The following TOM1L1 variants were observed in gnomAD, a reference collection of about 807,000 sequenced individuals.
TOM1L1 encodes TOM1-like protein 1.
Under a neutral mutation model 63.4 loss-of-function variants are expected in TOM1L1, and 64 were observed. The ratio of observed to expected loss-of-function variants is 1.01; its 90% CI spans 0.83 to 1.24. The LOEUF (loss-of-function observed/expected upper bound fraction) is 1.24, where lower values mean the gene tolerates loss of function less well. Among genes scored for constraint, TOM1L1 ranks in the 50% most tolerant of loss-of-function variants. TOM1L1 has a pLI of 0.00. For missense variants in TOM1L1, 536 were observed against 567.0 expected, an observed-to-expected ratio of 0.95 and a Z score of 0.55; for synonymous variants, 166 against 194.4, an observed-to-expected ratio of 0.85 and a Z score of 1.22.
intron 12 of TOM1L1, among the ~76,000 whole-genome samples, chr17:54,948,971 G>A (rs913095016): frequency 5.3e-5 from 8 of 151,046 alleles, no homozygotes; most frequent in Non-Finnish European, 1.2e-4. Context: ...GCAATATATG[G>A]TTTTTTTTTC....
intron 11 of TOM1L1, among the ~76,000 whole-genome samples, chr17:54,946,983 A>C (rs2049129954): frequency 6.6e-6 from 1 of 152,136 alleles, no homozygotes. Context: ...TCATCCTTTA[A>C]GAAACGATGG....
chr17:54,959,168 C>G (rs17745231), intron 14 of TOM1L1: 31,764 of 152,108 alleles, frequency 0.21, 3,891 homozygotes, highest in Non-Finnish European at 0.27. Flanking sequence ...AATTGTAGCA[C>G]CATTCTGGGG....
At chr17:54,957,032 C>T (rs1313748389) in intron 14 of TOM1L1, 2 of 152,234 alleles carry the variant, frequency 1.3e-5, no homozygotes, top group Non-Finnish European at 2.9e-5. Context: ...TGAGGTCTGT[C>T]ATGAACTGGT....
At chr17:54,960,746 T>C in intron 15 of TOM1L1, 119 bp downstream of exon 15, 1 of 727,088 alleles carries the variant, frequency 1.4e-6, no homozygotes. Context: ...CACTTTGAAA[T>C]ATGAGTTCCC....
chr17:54,946,955 T>G (rs555058460), intron 11 of TOM1L1, among the ~76,000 whole-genome samples: 2 of 152,308 alleles, frequency 1.3e-5, no homozygotes, highest in East Asian at 3.9e-4. Context: ...CTTCTTAACC[T>G]GTGTTCTATA....
At chr17:54,943,995 A>C (rs887132687) in intron 11 of TOM1L1, among the ~76,000 whole-genome samples, 5 of 138,300 alleles carry the variant, frequency 3.6e-5, no homozygotes, top group Non-Finnish European at 6.4e-5. Flanking sequence ...TAAATAAATA[A>C]ATACATAAAT....
chr17:54,918,431 G>A lies in TOM1L1; in HGVS notation c.720+2569G>A, dbSNP rs567052409. Among the ~76,000 whole-genome samples, 13 of 152,274 alleles carry A rather than the reference G, an allele frequency of 8.5e-5. No homozygotes were observed. The South Asian group carries it at 2.1e-3, about 24-fold the overall frequency. On this transcript the variant is annotated intron_variant, in intron 7 of 15. Transcript: ENST00000575882. Reference sequence around the variant, plus strand: ...TTAATGGATATGAGTTTGTGGTATCGCTCAGGTGTGTAGGGATGAGAAGAG... The same window carrying A: ...TTAATGGATATGAGTTTGTGGTATCACTCAGGTGTGTAGGGATGAGAAGAG...
At chr17:54,923,790 C>T (rs1021198282) in intron 7 of TOM1L1, among the ~76,000 whole-genome samples, 4 of 151,878 alleles carry the variant, frequency 2.6e-5, no homozygotes, top group African/African-American at 9.7e-5. Context: ...AGGTGATCTA[C>T]CTGCCTTGGC....
At chr17:54,960,990 A>T (rs573526335) in intron 15 of TOM1L1, 2 of 555,916 alleles carry the variant, frequency 3.6e-6, no homozygotes, top group East Asian at 6.1e-5. Flanking sequence ...AGTCCTCCAA[A>T]TAGGTCTGAA....
chr17:54,938,464 A>C (rs1276500126), intron 10 of TOM1L1: 1 of 144,416 alleles, frequency 6.9e-6, no homozygotes, highest in Non-Finnish European at 1.5e-5. Flanking sequence ...ACTGCACTCC[A>C]GTCTGGGTGA....
intron 11 of TOM1L1, among the ~76,000 whole-genome samples, chr17:54,943,759 A>C (rs188086493): frequency 1.3e-5 from 2 of 151,890 alleles, no homozygotes; most frequent in Non-Finnish European, 2.9e-5. Context: ...CGGGCAGATC[A>C]TGAGATCAGG....
intron 14 of TOM1L1, chr17:54,959,210 C>T (rs949339163): frequency 3.9e-5 from 6 of 152,094 alleles, no homozygotes; most frequent in African/African-American, 1.2e-4. Context: ...GGTTTCATAG[C>T]GCTGTGATTT....
At chr17:54,957,389 C>T (rs1404234996) in intron 14 of TOM1L1, 3 of 152,186 alleles carry the variant, frequency 2.0e-5, no homozygotes, top group African/African-American at 4.8e-5. Context: ...GACACTGGCA[C>T]TTAACTAGGT....
chr17:54,938,319 C>T (rs954556889), intron 10 of TOM1L1, among the ~76,000 whole-genome samples: 4 of 151,904 alleles, frequency 2.6e-5, no homozygotes, highest in African/African-American at 9.7e-5. Context: ...CATGGCAAAG[C>T]CCTGTCTCTA....
At chr17:54,958,614 C>T (rs999488021) in intron 14 of TOM1L1, among the ~76,000 whole-genome samples, 3 of 151,988 alleles carry the variant, frequency 2.0e-5, no homozygotes, top group South Asian at 4.2e-4. Context: ...GTCTGTAATT[C>T]CAACTATTCG....
chr17:54,950,130 A>G lies in TOM1L1; in HGVS notation c.1370+4A>G. On this transcript the variant is annotated splice_donor_region_variant and intron_variant, in intron 14 of 15. Coordinates refer to ENST00000575882, the MANE Select transcript of TOM1L1 (RefSeq NM_005486.3). Reference sequence around the variant, plus strand: ...TAGCTCCTGCTGTCACTACAGAGTAAGTCATTTACAAAATGATTAATTTAT... The same window carrying G: ...TAGCTCCTGCTGTCACTACAGAGTAGGTCATTTACAAAATGATTAATTTAT... 6.2e-7 allele frequency: 1 copy of G among 1,603,542 alleles called. No individual in the cohort carries two copies. Among genetic ancestry groups the G allele is most frequent in the Non-Finnish European group, 8.5e-7 (1 of 1,171,718 alleles).
intron 14 of TOM1L1, among the ~76,000 whole-genome samples, chr17:54,950,408 GT>G (rs2049200300): frequency 6.6e-6 from 1 of 152,170 alleles, no homozygotes; most frequent in Non-Finnish European, 1.5e-5. Context: ...AGAAAGTCAT[GT>G]TCTCTTTAGC....
In TOM1L1 at chr17:54,961,808, G is replaced by T; in HGVS notation, c.*575G>T. Reference sequence around the variant, plus strand: ...TGAACAGGTCACTAGACTCTACATTGGGCAGCCTTTAAATATGATTCTTTG... The same window carrying T: ...TGAACAGGTCACTAGACTCTACATTTGGCAGCCTTTAAATATGATTCTTTG... On this transcript the variant is annotated 3_prime_UTR_variant, in exon 16 of 16. Transcript: ENST00000575882. The T allele has an allele frequency of 1.0e-6, 1 of 985,616 alleles. No individual in the cohort carries two copies. The highest frequency in any genetic ancestry group is 1.2e-6 in the Non-Finnish European group (1 of 829,744). The allele number at this position is 985,616 out of a possible 1,614,324, so 61.1% of individuals were successfully genotyped here.
chr17:54,943,691 AAC>A (rs2049069407), intron 11 of TOM1L1, among the ~76,000 whole-genome samples: 1 of 152,192 alleles, frequency 6.6e-6, no homozygotes, highest in African/African-American at 2.4e-5. Context: ...TGAAAGTAAA[AAC>A]CTGGGCCGGG....
Sources: allele counts gnomAD v4.1 joint callset (sites outside exome capture counted in the v4.1 genomes callset), GRCh38; gene constraint gnomAD v4.1.1; transcripts MANE v1.5; gene names NCBI Gene and HGNC (gene_info 2026-07-23, HGNC 2026-07-21).